Variants in IVD observed in about 807,000 individuals in gnomAD.
IVD encodes isovaleryl-CoA dehydrogenase, mitochondrial.
Under a neutral mutation model 51.3 loss-of-function variants are expected in IVD, and 31 were observed. That is an observed-to-expected ratio of 0.60 (90% confidence interval 0.45 to 0.81). IVD has a LOEUF of 0.81. Ranked by LOEUF, IVD falls within the 40% of genes least tolerant of loss-of-function variation. The pLI is 0.00. For missense variants in IVD, 475 were observed against 552.0 expected, an observed-to-expected ratio of 0.86 and a Z score of 1.40; for synonymous variants, 205 against 219.4, an observed-to-expected ratio of 0.93 and a Z score of 0.58.
chr15:40,411,509 G>T, intron 5 of IVD, 46 bp from the exon 6 acceptor site: 1 of 1,614,022 alleles, frequency 6.2e-7, no homozygotes, highest in Non-Finnish European at 8.5e-7. Context: ...GCCTGGCTGA[G>T]ACAGGCCAAG....
chr15:40,424,215 C>T (rs1391382669), downstream of IVD: 1 of 1,286,688 alleles, frequency 7.8e-7, no homozygotes, highest in Non-Finnish European at 1.0e-6. Flanking sequence ...CTCCCAGCAC[C>T]TGTAAGATCT....
chr15:40,412,564 T>C (rs1247332038), intron 6 of IVD: 1 of 223,912 alleles, frequency 4.5e-6, no homozygotes, highest in Non-Finnish European at 9.0e-6. Flanking sequence ...TGCAACCCAG[T>C]AGTCCAGGTC....
chr15:40,423,127 C>T (rs1266009340), downstream of IVD, among the ~76,000 whole-genome samples: 1 of 151,840 alleles, frequency 6.6e-6, no homozygotes, highest in African/African-American at 2.4e-5. Flanking sequence ...TTTGTAGAGC[C>T]GGGCTTTCAC....
rs1313939322 is a variant in IVD at position 40,421,197 on chromosome 15, C to CT, written c.*2936dup. 4 of 985,348 alleles carry CT rather than the reference C, an allele frequency of 4.1e-6. No individual in the cohort carries two copies. In the Admixed American group the frequency reaches 2.5e-4, roughly 61 times the overall value. 61.0% of individuals were successfully genotyped at this position (985,348 alleles called of 1,614,324 possible). On this transcript the variant is annotated 3_prime_UTR_variant, in exon 12 of 12. Coordinates refer to ENST00000487418, the MANE Select transcript of IVD (RefSeq NM_002225.5). ...GGAGACAATGTGGCAAAATGGGGCG[C>CT]TTCATCCAGTCTGTCTAAGCCCTGT... is the stretch of plus-strand genomic sequence containing the variant.
intron 1 of IVD, 133 bp downstream of exon 1, chr15:40,406,104 C>A: frequency 6.5e-7 from 1 of 1,540,420 alleles, no homozygotes; most frequent in Non-Finnish European, 8.8e-7. Flanking sequence ...GTTGGGAGCG[C>A]CAGCGCGGGG....
chr15:40,419,117 CAA>C lies in IVD; in HGVS notation c.*855_*856del, dbSNP rs1279053581. 25 of 1,282,354 alleles carry C rather than the reference CAA, an allele frequency of 1.9e-5. No homozygotes were observed. The East Asian group carries it at 2.8e-4, about 14-fold the overall frequency. 79.4% of individuals were successfully genotyped at this position (1,282,354 alleles called of 1,614,324 possible). A position where few individuals can be genotyped will look rare whatever the true frequency, so the allele number is the denominator to read the frequency against. On this transcript the variant is annotated 3_prime_UTR_variant, in exon 12 of 12. Transcript: ENST00000487418. ...TGCCATTGCACTCCAGCCTGGGCGA[CAA>C]GAGCAAAACTCTTCAAAAAACAAAA...
At position 40,420,860 on chromosome 15, in the gene IVD, G is replaced by C. The variant is rs961444881; in HGVS notation, c.*2597G>C. On this transcript the variant is annotated 3_prime_UTR_variant, in exon 12 of 12. Transcript: ENST00000487418. ...GTCTGGATAGAGTGTGATCTGAGAAGGGAATGGGTCTGGGTTGTTCCACCC... is the reference window on the plus strand; with the variant it reads ...GTCTGGATAGAGTGTGATCTGAGAACGGAATGGGTCTGGGTTGTTCCACCC... 30 of 985,400 alleles carry C rather than the reference G, an allele frequency of 3.0e-5. No homozygotes were observed. The African/African-American group carries it at 5.1e-4, about 17-fold the overall frequency. The allele number at this position is 985,400 out of a possible 1,614,324, so 61.0% of individuals were successfully genotyped here. A position where few individuals can be genotyped will look rare whatever the true frequency, so the allele number is the denominator to read the frequency against.
At chr15:40,407,185 T>C (rs1394071121) in intron 1 of IVD, among the ~76,000 whole-genome samples, 1 of 152,242 alleles carries the variant, frequency 6.6e-6, no homozygotes, top group Non-Finnish European at 1.5e-5. Flanking sequence ...TTCTAATCTC[T>C]TTGGGTAATC....
chr15:40,412,731 G>A, intron 6 of IVD: 4 of 479,744 alleles, frequency 8.3e-6, no homozygotes, highest in South Asian at 8.3e-5. Flanking sequence ...GGAGGGCTCA[G>A]GGAACTGAGC....
intron 1 of IVD, 71 bp downstream of exon 1, chr15:40,406,042 C>G (rs1021476503): frequency 5.0e-5 from 78 of 1,549,754 alleles, no homozygotes; most frequent in Admixed American, 7.8e-5. Context: ...TCCTTCCTGC[C>G]TGGTCCCCAT....
At chr15:40,421,568 C>G (rs918901455), downstream of IVD, among the ~76,000 whole-genome samples, 2 of 152,182 alleles carry the variant, frequency 1.3e-5, no homozygotes, top group African/African-American at 4.8e-5. Flanking sequence ...GAGCACACCC[C>G]TTATCAAAAT....
rs763769374 is a variant in IVD, at chr15:40,405,861, G to A, written c.34G>A (p.Val12Met). Residue 12 changes from valine to methionine, a missense_variant, in exon 1 of 12, where the codon GTG becomes ATG. Physicochemically the swap from Val to Met is conservative, Grantham distance 21. Transcript: ENST00000487418. ...ATATRLLGWR[V>M]ASWRLRPPLA... ...TGCGACTCGGCTGCTGGGGTGGCGT[G>A]TGGCGAGCTGGAGGCTGCGGCCGCC... 2.5e-5 allele frequency: 41 copies of A among 1,612,964 alleles called. No individual in the cohort carries two copies. The highest frequency in any genetic ancestry group is 1.7e-4 in the Middle Eastern group (1 of 5,830).
chr15:40,410,130 T>C (rs1433794927), intron 3 of IVD, among the ~76,000 whole-genome samples: 2 of 152,154 alleles, frequency 1.3e-5, no homozygotes, highest in Admixed American at 6.5e-5. Context: ...GCCCCATGCC[T>C]GGCCTCCAGT....
At chr15:40,425,264 A>ACAGTATTCCAAGCC (rs1892600932), downstream of IVD, among the ~76,000 whole-genome samples, 2 of 152,018 alleles carry the variant, frequency 1.3e-5, no homozygotes, top group Admixed American at 1.3e-4. Flanking sequence ...GTCAATGAAG[A>ACAGTATTCCAAGCC]CAGTATTCCA....
rs1465902559 is a variant in IVD at position 40,432,957 on chromosome 15, G to T, written c.720-897G>T. The stretch of plus-strand genomic sequence containing the variant: ...AGTATGGAAGCAGGGCAGGCTTCAG[G>T]CATGGCCAGATTTGGGCATGATGAA... On this transcript the variant is annotated intron_variant, in intron 7 of 8. Transcript: ENST00000473112. 4.6e-5 allele frequency among the ~76,000 whole-genome samples: 7 copies of T among 152,212 alleles called. No individual in the cohort carries two copies. The East Asian group carries it at 1.3e-3, about 29-fold the overall frequency.
Position 40,418,206 on chromosome 15 carries a change from G to A in IVD, c.1215G>A (p.Gly405=), listed in dbSNP as rs752374036. 9 of 1,614,196 alleles carry A rather than the reference G, an allele frequency of 5.6e-6. No homozygotes were observed. The South Asian group carries it at 7.7e-5, about 14-fold the overall frequency. The change falls in exon 12 of 12, where the codon GGG becomes GGA. Residue 405 remains glycine (G), a synonymous_variant. Coordinates refer to ENST00000487418, the MANE Select transcript of IVD (RefSeq NM_002225.5). The stretch of plus-strand genomic sequence containing the variant: ...CCAAGCTGTATGAGATAGGGGCTGG[G>A]ACCAGCGAGGTGAGGCGGCTGGTCA... ...RDAKLYEIGA[G]TSEVRRLVIG...
At position 40,435,330 on chromosome 15, in the gene IVD, G is replaced by A. The variant is rs757299347; in HGVS notation, c.781-87G>A. The A allele has an allele frequency of 6.4e-6, 6 of 930,278 alleles. No individual in the cohort carries two copies. In the South Asian group the frequency reaches 1.3e-4, roughly 21 times the overall value. The allele number at this position is 930,278 out of a possible 1,614,324, so 57.6% of individuals were successfully genotyped here. ...ATGGGGGTCTCTCCATTTCTTCCCCGGGGAAAGAGATGGTAGAGCTCCTGG... is the reference window on the plus strand; with the variant it reads ...ATGGGGGTCTCTCCATTTCTTCCCCAGGGAAAGAGATGGTAGAGCTCCTGG... On this transcript the variant is annotated intron_variant, in intron 8 of 8. Transcript: ENST00000473112.
chr15:40,419,415 G>A lies in IVD; in HGVS notation c.*1152G>A. 5 of 358,642 alleles carry A rather than the reference G, an allele frequency of 1.4e-5. No homozygotes were observed. Among genetic ancestry groups the A allele is most frequent in the South Asian group, 1.1e-4 (5 of 45,280 alleles). 22.2% of individuals were successfully genotyped at this position (358,642 alleles called of 1,614,324 possible). A position where few individuals can be genotyped will look rare whatever the true frequency, so the allele number is the denominator to read the frequency against. ...AATCCCAGCTACTCAGGAGGCTGAG[G>A]CAGGAGAATCACTTGAACCCGGGAG... On this transcript the variant is annotated 3_prime_UTR_variant, in exon 12 of 12. Transcript: ENST00000487418.
Position 40,418,257 on chromosome 15 carries a change from T to G in IVD, c.1266T>G (p.Phe422Leu). ...LVIGRAFNAD[F>L]H ...TCGGCAGAGCCTTCAATGCAGACTT[T>G]CACTAGTCCTGAGACCCTTCGCCCC... Residue 422 changes from phenylalanine (F) to leucine (L), a missense_variant, in exon 12 of 12, where the codon TTT (phenylalanine) becomes TTG (leucine). Transcript: ENST00000487418. The G allele has an allele frequency of 6.2e-7, 1 of 1,614,080 alleles. No individual in the cohort carries two copies. Among genetic ancestry groups the G allele is most frequent in the African/African-American group, 1.3e-5 (1 of 75,026 alleles).
Sources: allele counts gnomAD v4.1 joint callset (sites outside exome capture counted in the v4.1 genomes callset), GRCh38; gene constraint gnomAD v4.1.1; transcripts MANE v1.5; gene names NCBI Gene and HGNC (gene_info 2026-07-23, HGNC 2026-07-21).